Variants in PIGB observed in about 807,000 individuals in gnomAD.
The protein encoded by PIGB is GPI alpha-1,2-mannosyltransferase 3.
A neutral mutation model predicts 68.4 loss-of-function variants in PIGB; 58 were observed. The observed-to-expected ratio is 0.85, with a 90% CI of 0.69 to 1.06. The LOEUF is 1.06. Among genes scored for constraint, PIGB ranks in the 50% least tolerant of loss-of-function variants. PIGB has a pLI of 0.00. For missense variants in PIGB, 634 were observed against 655.8 expected, an observed-to-expected ratio of 0.97 and a Z score of 0.36; for synonymous variants, 219 against 220.5, an observed-to-expected ratio of 0.99 and a Z score of 0.06.
chr15:55,333,376 G>A (rs374455698), intron 5 of PIGB, among the ~76,000 whole-genome samples: 10 of 151,902 alleles, frequency 6.6e-5, no homozygotes, highest in Admixed American at 3.9e-4. Context: ...CTGGCGGATC[G>A]CCTGAGGTCA....
In PIGB at chr15:55,329,738, G is replaced by T. The variant is rs764709826; in HGVS notation, c.537G>T (p.Leu179Phe). 3 of 1,608,750 alleles carry T rather than the reference G, an allele frequency of 1.9e-6. No individual in the cohort carries two copies. Among genetic ancestry groups the T allele is most frequent in the Non-Finnish European group, 2.5e-6 (3 of 1,178,018 alleles). Residue 179 changes from leucine (L) to phenylalanine (F), a missense_variant, in exon 5 of 12, where the codon TTG (leucine) becomes TTT (phenylalanine). Leu to Phe is a conservative substitution (Grantham distance 22). Coordinates refer to ENST00000164305, the MANE Select transcript of PIGB (RefSeq NM_004855.5). Reference sequence around the variant, plus strand: ...CTTTTTCTTAGTTTTTTTGCCAGTTGTGCTCCTGGTTCACATGGTATTGCT... The same window carrying T: ...CTTTTTCTTAGTTTTTTTGCCAGTTTTGCTCCTGGTTCACATGGTATTGCT... ...EVARWVFFCQ[L>F]CSWFTWYCCT...
At chr15:55,320,607 G>A (rs943051185) in intron 2 of PIGB, among the ~76,000 whole-genome samples, 197 bp downstream of exon 2, 6 of 152,008 alleles carry the variant, frequency 3.9e-5, no homozygotes, top group Non-Finnish European at 7.4e-5. Context: ...ATACACACAC[G>A]CTTATGATAA....
intron 10 of PIGB, among the ~76,000 whole-genome samples, chr15:55,352,432 G>A (rs1421295284): frequency 6.6e-6 from 1 of 152,190 alleles, no homozygotes; most frequent in Non-Finnish European, 1.5e-5. Flanking sequence ...TCAGGAAGCT[G>A]TATTAGTTAC....
At chr15:55,328,021 C>T (rs1384316561) in intron 4 of PIGB, among the ~76,000 whole-genome samples, 1 of 152,226 alleles carries the variant, frequency 6.6e-6, no homozygotes, top group African/African-American at 2.4e-5. Flanking sequence ...TCTAGCCAGC[C>T]TCTATCTGAG....
At position 55,354,838 on chromosome 15, in the gene PIGB, C is replaced by A. The variant is rs776622307; in HGVS notation, c.1378C>A (p.Pro460Thr). The A allele has an allele frequency of 1.4e-5, 22 of 1,612,802 alleles. No individual in the cohort carries two copies. In the African/African-American group the frequency reaches 2.9e-4, roughly 22 times the overall value. ...CPLPMRFLQCPPDLTGKSHYL... is the reference protein window; with the variant it reads ...CPLPMRFLQCTPDLTGKSHYL... ...ACTTCCCATGAGATTTCTCCAGTGC[C>A]CGCCAGACCTGACTGGAAAAAGTCA... is the stretch of plus-strand genomic sequence containing the variant. Residue 460 changes from proline to threonine, a missense_variant, in exon 11 of 12, where the codon CCG (proline) becomes ACG (threonine). Physicochemically the swap from Pro to Thr is conservative, Grantham distance 38. Transcript: ENST00000164305.
chr15:55,328,144 G>T (rs972576855), intron 4 of PIGB, among the ~76,000 whole-genome samples: 3 of 152,208 alleles, frequency 2.0e-5, no homozygotes, highest in African/African-American at 7.2e-5. Context: ...TATTAGGTTG[G>T]TGCAATTACT....
chr15:55,327,699 T>C (rs1047971475), intron 4 of PIGB, 64 bp downstream of exon 4: 40 of 901,630 alleles, frequency 4.4e-5, no homozygotes, highest in Non-Finnish European at 6.6e-5. Context: ...ATAAAGCACA[T>C]GGAAACATTG....
At chr15:55,329,098 C>A (rs1161795054) in intron 4 of PIGB, among the ~76,000 whole-genome samples, 1 of 152,206 alleles carries the variant, frequency 6.6e-6, no homozygotes, top group Non-Finnish European at 1.5e-5. Context: ...CCTCAACTAA[C>A]AAGTTTCTTT....
chr15:55,353,404 CA>C (rs1278411845), intron 10 of PIGB, among the ~76,000 whole-genome samples: 1 of 152,162 alleles, frequency 6.6e-6, no homozygotes, highest in Non-Finnish European at 1.5e-5. Context: ...GTCTTGTGTA[CA>C]TTTAATTTTT....
Position 55,355,327 on chromosome 15 carries a change from T to C in PIGB, c.1560T>C (p.Thr520=), listed in dbSNP as rs1490598659. 1.2e-6 allele frequency: 2 copies of C among 1,611,286 alleles called. No individual in the cohort carries two copies. Among genetic ancestry groups the C allele is most frequent in the Non-Finnish European group, 1.7e-6 (2 of 1,177,786 alleles). The change falls in exon 12 of 12, where the codon ACT becomes ACC. Residue 520 remains threonine, a synonymous_variant. Coordinates refer to ENST00000164305, the MANE Select transcript of PIGB (RefSeq NM_004855.5). ...AFLISSNYKR[T]AVFFHTHLPE... ...TAATTTCAAGCAATTATAAAAGAAC[T>C]GCTGTTTTCTTCCACACTCACTTGC...
At chr15:55,338,786 T>A (rs79149318) in intron 6 of PIGB, among the ~76,000 whole-genome samples, 7,792 of 152,296 alleles carry the variant, frequency 0.051, 273 homozygotes, top group East Asian at 0.15. Flanking sequence ...CGGCCATATG[T>A]TGAGGAACTT....
rs1442045164 is a variant in PIGB at position 55,319,503 on chromosome 15, C to T, written c.163+90C>T. The T allele has an allele frequency of 1.9e-5, 17 of 909,658 alleles. No individual in the cohort carries two copies. In the East Asian group the frequency reaches 4.4e-4, roughly 24 times the overall value. The allele number at this position is 909,658 out of a possible 1,614,324, so 56.3% of individuals were successfully genotyped here. On this transcript the variant is annotated intron_variant, in intron 1 of 11. Coordinates refer to ENST00000164305, the MANE Select transcript of PIGB (RefSeq NM_004855.5). ...TTACCAGCCAGTTGCCCGTTGAGCTCTGTGTTGCCAGATCTTGAGTTTTGA... is the reference window on the plus strand; with the variant it reads ...TTACCAGCCAGTTGCCCGTTGAGCTTTGTGTTGCCAGATCTTGAGTTTTGA...
chr15:55,334,596 C>A (rs2055493405), intron 6 of PIGB, among the ~76,000 whole-genome samples: 2 of 152,142 alleles, frequency 1.3e-5, no homozygotes, highest in Non-Finnish European at 2.9e-5. Flanking sequence ...CAACAGTAAT[C>A]TTTTTAATAT....
In PIGB at chr15:55,350,838, T is replaced by C. The variant is rs920071419; in HGVS notation, c.1263T>C (p.Val421=). 6.2e-7 allele frequency: 1 copy of C among 1,611,494 alleles called. No individual in the cohort carries two copies. Among genetic ancestry groups the C allele is most frequent in the East Asian group, 2.2e-5 (1 of 44,794 alleles). The change falls in exon 10 of 12, where the codon GTT becomes GTC. Residue 421 remains valine, a synonymous_variant. Transcript: ENST00000164305. The part of the protein sequence containing the change: ...TLDVMSHIQK[V]CYNNPNKSSA... ...ATGTCATGAGTCATATTCAAAAAGT[T>C]TGTTACAACAATCCCAATAAATCTT...
chr15:55,335,414 C>T (rs1595784499), intron 6 of PIGB, among the ~76,000 whole-genome samples: 1 of 152,130 alleles, frequency 6.6e-6, no homozygotes. Flanking sequence ...TTATTTAATC[C>T]TACTATGTGC....
intron 10 of PIGB, among the ~76,000 whole-genome samples, chr15:55,352,841 C>T (rs1040205564): frequency 1.3e-5 from 2 of 152,016 alleles, no homozygotes; most frequent in African/African-American, 2.4e-5. Context: ...CTCCTATGCA[C>T]GTTCAATTAA....
intron 4 of PIGB, among the ~76,000 whole-genome samples, chr15:55,328,377 TA>T (rs36101455): frequency 0.32 from 47,999 of 152,000 alleles, 8,457 homozygotes; most frequent in East Asian, 0.56. Flanking sequence ...TTGAAAGTCT[TA>T]ACTACCTTTT....
chr15:55,354,740 A>T lies in PIGB; in HGVS notation c.1338-58A>T, dbSNP rs2056033103. The T allele has an allele frequency of 2.3e-6, 3 of 1,328,916 alleles. No homozygotes were observed. In the East Asian group the frequency reaches 7.1e-5, roughly 31 times the overall value. The allele number at this position is 1,328,916 out of a possible 1,614,324, so 82.3% of individuals were successfully genotyped here. A position where few individuals can be genotyped will look rare whatever the true frequency, so the allele number is the denominator to read the frequency against. ...CTAAGTATAAATGACATATCTTAAG[A>T]CTAATGAAAACTTTCATGTTTTACT... On this transcript the variant is annotated intron_variant, in intron 10 of 11. Transcript: ENST00000164305.
chr15:55,335,568 G>A (rs200042597), intron 6 of PIGB, among the ~76,000 whole-genome samples: 4 of 152,152 alleles, frequency 2.6e-5, no homozygotes, highest in Non-Finnish European at 5.9e-5. Flanking sequence ...GTAATACAGG[G>A]AAAAATAATT....
Sources: gnomAD v4.1 joint callset for allele counts (sites outside exome capture counted in the v4.1 genomes callset) on GRCh38, gnomAD v4.1.1 for gene constraint, MANE v1.5 for transcripts, NCBI Gene and HGNC (gene_info 2026-07-23, HGNC 2026-07-21) for gene names.